OR2G6: variants seen among roughly 807,000 people sequenced by gnomAD.
OR2G6 encodes olfactory receptor family 2 subfamily G member 6.
For synonymous variants in OR2G6, 183 were observed against 155.2 expected (o/e 1.18, Z -1.33); for missense variants, 457 against 391.3 (o/e 1.17, Z -1.42).
intron 1 of OR2G6, among the ~76,000 whole-genome samples, chr1:248,520,595 G>C (rs983618463): frequency 6.6e-6 from 1 of 151,974 alleles, no homozygotes; most frequent in African/African-American, 2.4e-5. Context: ...TATAGAGGTC[G>C]GGCACAGTGA....
rs935890108 is a variant in OR2G6 at position 248,525,148 on chromosome 1, T to C, written c.*2551T>C. On this transcript the variant is annotated 3_prime_UTR_variant, in exon 2 of 2. Coordinates refer to ENST00000641804, the MANE Select transcript of OR2G6 (RefSeq NM_001013355.2). ...CTTCCCTATAATTGAATAACATGAGTAGTTTCTCTTTTTTAAATACCTACA... is the reference window on the plus strand; with the variant it reads ...CTTCCCTATAATTGAATAACATGAGCAGTTTCTCTTTTTTAAATACCTACA... 1 of 151,980 alleles carries C rather than the reference T, an allele frequency of 6.6e-6. No homozygotes were observed. Among genetic ancestry groups the C allele is most frequent in the Admixed American group, 6.6e-5 (1 of 15,264 alleles). 9.4% of individuals were successfully genotyped at this position (151,980 alleles called of 1,614,324 possible).
intron 1 of OR2G6, 59 bp from the exon 2 acceptor site, chr1:248,521,552 G>A (rs926315913): frequency 2.0e-5 from 17 of 852,582 alleles, no homozygotes; most frequent in Non-Finnish European, 2.7e-5. Context: ...TACTGTAAAC[G>A]ACTGTGGATT....
At chr1:248,520,554 A>C (rs1334757194) in intron 1 of OR2G6, among the ~76,000 whole-genome samples, 2 of 152,152 alleles carry the variant, frequency 1.3e-5, no homozygotes, top group Non-Finnish European at 2.9e-5. Context: ...TATCACTTTG[A>C]TAGTAGCTTG....
At chr1:248,521,114 TC>T (rs1242549291) in intron 1 of OR2G6, among the ~76,000 whole-genome samples, 1 of 148,978 alleles carries the variant, frequency 6.7e-6, no homozygotes, top group Non-Finnish European at 1.5e-5. Context: ...TCTCAGCTAC[TC>T]TTGAGGCTGA....
In OR2G6 at chr1:248,522,511, A is replaced by G. The variant is rs150303471; in HGVS notation, c.865A>G (p.Ile289Val). The change falls in exon 2 of 2, where the codon ATC becomes GTC. Residue 289 changes from isoleucine (I) to valine (V), a missense_variant. Ile to Val is a conservative substitution (Grantham distance 29, BLOSUM62 3). Transcript: ENST00000641804. ...TIVTPLLNPIIYTLRNKDVKG... is the reference protein window; with the variant it reads ...TIVTPLLNPIVYTLRNKDVKG... The stretch of plus-strand genomic sequence containing the variant: ...AGTCACCCCACTTTTAAACCCCATT[A>G]TCTACACTCTGAGAAACAAAGATGT... 1.2e-6 allele frequency: 2 copies of G among 1,613,768 alleles called. No homozygotes were observed. Among genetic ancestry groups the G allele is most frequent in the African/African-American group, 2.7e-5 (2 of 74,694 alleles).
In OR2G6 at chr1:248,523,365, C is replaced by A. The variant is rs1383355976; in HGVS notation, c.*768C>A. ...ATGACTAATATTTTATTAAAGGAAT[C>A]AAATAAGCAAACTTGAATTAAGGAG... is the stretch of plus-strand genomic sequence containing the variant. On this transcript the variant is annotated 3_prime_UTR_variant, in exon 2 of 2. Coordinates refer to ENST00000641804, the MANE Select transcript of OR2G6 (RefSeq NM_001013355.2). 2 of 152,068 alleles carry A rather than the reference C, an allele frequency of 1.3e-5. No individual in the cohort carries two copies. The highest frequency in any genetic ancestry group is 3.9e-4 in the East Asian group (2 of 5,182). The allele number at this position is 152,068 out of a possible 1,614,324, so 9.4% of individuals were successfully genotyped here. A position where few individuals can be genotyped will look rare whatever the true frequency, so the allele number is the denominator to read the frequency against.
At position 248,526,873 on chromosome 1, in the gene OR2G6, T is replaced by C. The variant is rs1181674626; in HGVS notation, c.*4276T>C. ...TTCTTGTAAATTTGTTTGAGTTCTTTGTAGATTCTGGATATTATCCCTTTG... is the reference window on the plus strand; with the variant it reads ...TTCTTGTAAATTTGTTTGAGTTCTTCGTAGATTCTGGATATTATCCCTTTG... On this transcript the variant is annotated 3_prime_UTR_variant, in exon 2 of 2. Coordinates refer to ENST00000641804, the MANE Select transcript of OR2G6 (RefSeq NM_001013355.2). 1 of 152,180 alleles carries C rather than the reference T, an allele frequency of 6.6e-6. No individual in the cohort carries two copies. The highest frequency in any genetic ancestry group is 2.4e-5 in the African/African-American group (1 of 41,444). 9.4% of individuals were successfully genotyped at this position (152,180 alleles called of 1,614,324 possible). A position where few individuals can be genotyped will look rare whatever the true frequency, so the allele number is the denominator to read the frequency against.
At position 248,522,820 on chromosome 1, in the gene OR2G6, AGAG is replaced by A. The variant is rs138562613; in HGVS notation, c.*224_*226del. ...CTAGGAAGCATTGGAATTCTAAAGA[AGAG>A]AAACACACCAAAGCAGCATGAGGGT... On this transcript the variant is annotated 3_prime_UTR_variant, in exon 2 of 2. Coordinates refer to ENST00000641804, the MANE Select transcript of OR2G6 (RefSeq NM_001013355.2). 3,500 of 517,006 alleles carry A rather than the reference AGAG, an allele frequency of 6.8e-3. 116 individuals carry two copies. Among genetic ancestry groups the A allele is most frequent in the African/African-American group, 0.059 (3,011 of 51,354 alleles). 32.0% of individuals were successfully genotyped at this position (517,006 alleles called of 1,614,324 possible). A position where few individuals can be genotyped will look rare whatever the true frequency, so the allele number is the denominator to read the frequency against.
Position 248,522,343 on chromosome 1 carries a change from G to A in OR2G6, c.697G>A (p.Gly233Ser). The A allele has an allele frequency of 6.2e-7, 1 of 1,614,146 alleles. No homozygotes were observed. The highest frequency in any genetic ancestry group is 8.5e-7 in the Non-Finnish European group (1 of 1,180,026). ...QAVLRIKSAA[G>S]RQKAFGTCSS... ...TGTGTTAAGGATAAAATCAGCTGCG[G>A]GCCGCCAAAAGGCCTTTGGGACCTG... Residue 233 changes from glycine (G) to serine (S), a missense_variant, in exon 2 of 2, where the codon GGC (glycine) becomes AGC (serine). Transcript: ENST00000641804.
chr1:248,519,649 C>A (rs992714261), intron 1 of OR2G6, among the ~76,000 whole-genome samples: 1 of 151,888 alleles, frequency 6.6e-6, no homozygotes, highest in Non-Finnish European at 1.5e-5. Context: ...TGTAGATGTG[C>A]GGTGTTATTT....
chr1:248,521,753 T>G lies in OR2G6; in HGVS notation c.107T>G (p.Val36Gly), dbSNP rs1240615402. The change falls in exon 2 of 2, where the codon GTC becomes GGC. Residue 36 changes from valine to glycine, a missense_variant. Transcript: ENST00000641804. Reference sequence around the variant, plus strand: ...TTTGCCATCATTTTGTACTTCTACGTCTTGAGCCTTCTGGGGAACACTGCC... The same window carrying G: ...TTTGCCATCATTTTGTACTTCTACGGCTTGAGCCTTCTGGGGAACACTGCC... Reference protein sequence around the residue: ...FLFAIILYFYVLSLLGNTALI... With the variant: ...FLFAIILYFYGLSLLGNTALI... The G allele has an allele frequency of 6.2e-7, 1 of 1,614,108 alleles. No individual in the cohort carries two copies. Among genetic ancestry groups the G allele is most frequent in the South Asian group, 1.1e-5 (1 of 91,084 alleles).
At position 248,526,905 on chromosome 1, in the gene OR2G6, G is replaced by A. The variant is rs1277872192; in HGVS notation, c.*4308G>A. ...TCTGGATATTATCCCTTTGTCAGAT[G>A]AGTAGACTGCAAAAATTTTCTCCCA... On this transcript the variant is annotated 3_prime_UTR_variant, in exon 2 of 2. Coordinates refer to ENST00000641804, the MANE Select transcript of OR2G6 (RefSeq NM_001013355.2). 2.0e-5 allele frequency: 3 copies of A among 152,016 alleles called. No homozygotes were observed. Among genetic ancestry groups the A allele is most frequent in the Non-Finnish European group, 4.4e-5 (3 of 68,018 alleles). 9.4% of individuals were successfully genotyped at this position (152,016 alleles called of 1,614,324 possible).
chr1:248,524,843 C>A lies in OR2G6; in HGVS notation c.*2246C>A, dbSNP rs887466534. On this transcript the variant is annotated 3_prime_UTR_variant, in exon 2 of 2. Coordinates refer to ENST00000641804, the MANE Select transcript of OR2G6 (RefSeq NM_001013355.2). ...ATCTGCTTATTGCTGAAATTAGCATCTTTAGCTGTAAGTTATTTGCACCCA... is the reference window on the plus strand; with the variant it reads ...ATCTGCTTATTGCTGAAATTAGCATATTTAGCTGTAAGTTATTTGCACCCA... 1.3e-5 allele frequency: 2 copies of A among 152,074 alleles called. No homozygotes were observed. Among genetic ancestry groups the A allele is most frequent in the Non-Finnish European group, 2.9e-5 (2 of 68,008 alleles). 9.4% of individuals were successfully genotyped at this position (152,074 alleles called of 1,614,324 possible).
At chr1:248,508,982 G>A (rs375821353) in intron 1 of OR2G6, among the ~76,000 whole-genome samples, 9,940 of 119,540 alleles carry the variant, frequency 0.083, 3,118 homozygotes, top group African/African-American at 0.35. Context: ...GAGATCGTTT[G>A]TCATGTCTAA....
chr1:248,522,540 AG>A lies in OR2G6; in HGVS notation c.898del (p.Ala300ProfsTer2), dbSNP rs1664314510. On this transcript the variant is annotated frameshift_variant, in exon 2 of 2. Coordinates refer to ENST00000641804, the MANE Select transcript of OR2G6 (RefSeq NM_001013355.2). LOFTEE classifies it low-confidence loss of function (END_TRUNC). ...IYTLRNKDVK[G>X]ALRTLILGSA... ...ACACTCTGAGAAACAAAGATGTGAAAGGGGCCTTGAGGACCCTGATACTGGG... is the reference window on the plus strand; with the variant it reads ...ACACTCTGAGAAACAAAGATGTGAAAGGGCCTTGAGGACCCTGATACTGGG... The A allele has an allele frequency of 6.2e-7, 1 of 1,613,972 alleles. No individual in the cohort carries two copies. Among genetic ancestry groups the A allele is most frequent in the Non-Finnish European group, 8.5e-7 (1 of 1,180,016 alleles).
chr1:248,522,148 C>G lies in OR2G6; in HGVS notation c.502C>G (p.Leu168Val), dbSNP rs757587119. Reference sequence around the variant, plus strand: ...GTGCTCCCTCACTGTGCAGCTGCCCCTCTGTGGTCATCGCACACTGGATCA... The same window carrying G: ...GTGCTCCCTCACTGTGCAGCTGCCCGTCTGTGGTCATCGCACACTGGATCA... ...IQCSLTVQLP[L>V]CGHRTLDHIF... Residue 168 changes from leucine (L) to valine (V), a missense_variant, in exon 2 of 2, where the codon CTC becomes GTC. Leu to Val is a conservative substitution (Grantham distance 32, BLOSUM62 1). Coordinates refer to ENST00000641804, the MANE Select transcript of OR2G6 (RefSeq NM_001013355.2). 1.2e-6 allele frequency: 2 copies of G among 1,614,154 alleles called. No individual in the cohort carries two copies. The highest frequency in any genetic ancestry group is 1.1e-5 in the South Asian group (1 of 91,080).
chr1:248,526,377 T>A lies in OR2G6; in HGVS notation c.*3780T>A, dbSNP rs1204165456. On this transcript the variant is annotated 3_prime_UTR_variant, in exon 2 of 2. Coordinates refer to ENST00000641804, the MANE Select transcript of OR2G6 (RefSeq NM_001013355.2). The stretch of plus-strand genomic sequence containing the variant: ...ACTGGGGAAAGGAGAGTTTCTTCAA[T>A]AAATGTCCTGGAACAGTAATCAGCA... 3.9e-5 allele frequency: 6 copies of A among 152,196 alleles called. No homozygotes were observed. Among genetic ancestry groups the A allele is most frequent in the Admixed American group, 3.3e-4 (5 of 15,286 alleles). 9.4% of individuals were successfully genotyped at this position (152,196 alleles called of 1,614,324 possible). A position where few individuals can be genotyped will look rare whatever the true frequency, so the allele number is the denominator to read the frequency against.
Position 248,521,786 on chromosome 1 carries a change from T to C in OR2G6, c.140T>C (p.Leu47Pro). The C allele has an allele frequency of 6.2e-7, 1 of 1,614,100 alleles. No homozygotes were observed. The highest frequency in any genetic ancestry group is 1.1e-5 in the South Asian group (1 of 91,082). Residue 47 changes from leucine to proline, a missense_variant, in exon 2 of 2, where the codon CTA becomes CCA. Transcript: ENST00000641804. Reference sequence around the variant, plus strand: ...CTTCTGGGGAACACTGCCCTCATACTAGTATGTTGTCTGGACTCCAGACTC... The same window carrying C: ...CTTCTGGGGAACACTGCCCTCATACCAGTATGTTGTCTGGACTCCAGACTC... ...LSLLGNTALI[L>P]VCCLDSRLHT...
rs1664354580 is a variant in OR2G6, at chr1:248,524,442, A to G, written c.*1845A>G. 6.6e-6 allele frequency: 1 copy of G among 152,196 alleles called. No homozygotes were observed. The highest frequency in any genetic ancestry group is 2.1e-4 in the South Asian group (1 of 4,830). 9.4% of individuals were successfully genotyped at this position (152,196 alleles called of 1,614,324 possible). A position where few individuals can be genotyped will look rare whatever the true frequency, so the allele number is the denominator to read the frequency against. On this transcript the variant is annotated 3_prime_UTR_variant, in exon 2 of 2. Transcript: ENST00000641804. ...CTGAGGAGCACATGTTTTTATTTACAATATGCAAGTAGAGAAGTAGTTCTA... is the reference window on the plus strand; with the variant it reads ...CTGAGGAGCACATGTTTTTATTTACGATATGCAAGTAGAGAAGTAGTTCTA...
Sources: gnomAD v4.1 joint callset for allele counts (sites outside exome capture counted in the v4.1 genomes callset) on GRCh38, gnomAD v4.1.1 for gene constraint, MANE v1.5 for transcripts, NCBI Gene and HGNC (gene_info 2026-07-23, HGNC 2026-07-21) for gene names.